The following PRKCB variants were observed in gnomAD, a reference collection of about 807,000 sequenced individuals.
PRKCB encodes the protein protein kinase C beta type.
In PRKCB, 13 loss-of-function variants were observed where a neutral mutation model predicts 81.5. That is an observed-to-expected ratio of 0.16 (90% CI 0.10 to 0.25). PRKCB has a LOEUF of 0.25. Ranked by LOEUF, PRKCB falls within the 10% of genes least tolerant of loss-of-function variation. PRKCB has a pLI of 1.00. For synonymous variants in PRKCB, 335 were observed against 321.4 expected, an observed-to-expected ratio of 1.04 and a Z score of -0.45; for missense variants, 509 against 875.7, an observed-to-expected ratio of 0.58 and a Z score of 5.29.
chr16:23,889,103 C>T (rs963051146), intron 2 of PRKCB, among the ~76,000 whole-genome samples: 8 of 151,976 alleles, frequency 5.3e-5, no homozygotes, highest in African/African-American at 1.9e-4. Flanking sequence ...GTCATCTACA[C>T]AGCTGTTCAC....
chr16:24,043,571 A>G (rs1965727953), intron 5 of PRKCB, among the ~76,000 whole-genome samples: 1 of 152,178 alleles, frequency 6.6e-6, no homozygotes, highest in Non-Finnish European at 1.5e-5. Flanking sequence ...TTCAAAGCCT[A>G]TCAGCTTGTT....
Position 24,219,139 on chromosome 16 carries a change from G to A in PRKCB, c.*4323G>A. ...ATTCTGATGTTCCCTGGTGAGACTT[G>A]CCCCAAGCAATTGCTAGTAAATGGG... On this transcript the variant is annotated 3_prime_UTR_variant, in exon 17 of 17. Transcript: ENST00000643927. The A allele has an allele frequency of 1.0e-6, 1 of 985,368 alleles. No individual in the cohort carries two copies. The highest frequency in any genetic ancestry group is 1.2e-6 in the Non-Finnish European group (1 of 829,964). 61.0% of individuals were successfully genotyped at this position (985,368 alleles called of 1,614,324 possible).
chr16:23,920,233 A>G (rs990952848), intron 2 of PRKCB, among the ~76,000 whole-genome samples: 81 of 152,132 alleles, frequency 5.3e-4, no homozygotes, highest in African/African-American at 1.6e-3. Flanking sequence ...TTTGATTTGC[A>G]TTTTGCTAAT....
At chr16:23,960,903 A>G (rs181415120) in intron 2 of PRKCB, among the ~76,000 whole-genome samples, 11 of 152,268 alleles carry the variant, frequency 7.2e-5, no homozygotes, top group Admixed American at 2.6e-4. Context: ...CAACAGCCCT[A>G]TTTGTCTTTA....
chr16:23,992,420 A>T (rs1964898692), intron 3 of PRKCB, among the ~76,000 whole-genome samples: 1 of 152,194 alleles, frequency 6.6e-6, no homozygotes, highest in Non-Finnish European at 1.5e-5. Flanking sequence ...CCGTGGCATG[A>T]TCTGTTTATA....
chr16:24,060,532 T>A (rs1776194730), intron 5 of PRKCB, among the ~76,000 whole-genome samples: 2 of 152,148 alleles, frequency 1.3e-5, no homozygotes, highest in African/African-American at 4.8e-5. Flanking sequence ...GCCACCAGGA[T>A]CCCTCTCTCA....
At chr16:24,128,529 C>T (rs565040976) in intron 9 of PRKCB, among the ~76,000 whole-genome samples, 14 of 152,142 alleles carry the variant, frequency 9.2e-5, no homozygotes, top group Non-Finnish European at 1.2e-4. Flanking sequence ...CAAAATCTTT[C>T]AAAAGAAGAA....
At chr16:23,881,111 T>C (rs1963098838) in intron 2 of PRKCB, among the ~76,000 whole-genome samples, 1 of 152,148 alleles carries the variant, frequency 6.6e-6, no homozygotes, top group South Asian at 2.1e-4. Context: ...TTAAAGGGAA[T>C]GTTTGCCTCT....
At chr16:23,977,619 G>A (rs547021233) in intron 2 of PRKCB, among the ~76,000 whole-genome samples, 7 of 152,316 alleles carry the variant, frequency 4.6e-5, no homozygotes, top group African/African-American at 7.2e-5. Flanking sequence ...TACAGAGAAC[G>A]TCTCTAGAAG....
intron 12 of PRKCB, among the ~76,000 whole-genome samples, chr16:24,179,109 T>C (rs1040299274): frequency 6.6e-6 from 1 of 152,238 alleles, no homozygotes; most frequent in African/African-American, 2.4e-5. Context: ...CACTTATCCC[T>C]TTCCTGATTA....
intron 12 of PRKCB, among the ~76,000 whole-genome samples, chr16:24,178,415 G>A (rs1333324904): frequency 6.6e-6 from 1 of 152,222 alleles, no homozygotes; most frequent in African/African-American, 2.4e-5. Flanking sequence ...TCCAGCCTCA[G>A]GACTGCCTGG....
intron 2 of PRKCB, among the ~76,000 whole-genome samples, chr16:23,967,668 T>C (rs994516100): frequency 6.6e-6 from 1 of 152,190 alleles, no homozygotes; most frequent in African/African-American, 2.4e-5. Context: ...TTTTTCTTTT[T>C]TTGAGATAGA....
intron 8 of PRKCB, among the ~76,000 whole-genome samples, chr16:24,115,970 C>T (rs1343902112): frequency 6.6e-6 from 1 of 150,872 alleles, no homozygotes; most frequent in Non-Finnish European, 1.5e-5. Context: ...CGTGATCCGT[C>T]TGCCTCGGCC....
At chr16:24,073,056 C>T (rs1359499894) in intron 5 of PRKCB, among the ~76,000 whole-genome samples, 2 of 152,186 alleles carry the variant, frequency 1.3e-5, no homozygotes, top group South Asian at 4.1e-4. Flanking sequence ...CACCAGATGT[C>T]CTCTGCCTCT....
chr16:24,124,709 G>C (rs150679480), intron 9 of PRKCB, among the ~76,000 whole-genome samples: 1 of 152,158 alleles, frequency 6.6e-6, no homozygotes, highest in African/African-American at 2.4e-5. Flanking sequence ...GTCTCTTTGC[G>C]TGCCACAAAG....
At chr16:24,042,903 A>G (rs1328243862) in intron 5 of PRKCB, among the ~76,000 whole-genome samples, 6 of 152,040 alleles carry the variant, frequency 3.9e-5, no homozygotes, top group Non-Finnish European at 7.4e-5. Flanking sequence ...ACACTCAGCT[A>G]ATTTTTGTAG....
intron 2 of PRKCB, among the ~76,000 whole-genome samples, chr16:23,849,658 A>G (rs931671760): frequency 6.6e-6 from 1 of 150,698 alleles, no homozygotes; most frequent in African/African-American, 2.5e-5. Flanking sequence ...TTTTTATTTC[A>G]GTTGGATATT....
intron 9 of PRKCB, among the ~76,000 whole-genome samples, chr16:24,137,296 C>T (rs1314058018): frequency 2.0e-5 from 3 of 152,178 alleles, no homozygotes; most frequent in Non-Finnish European, 2.9e-5. Context: ...TCAAGCGATC[C>T]TCCTGCCTCA....
intron 2 of PRKCB, among the ~76,000 whole-genome samples, chr16:23,871,784 G>A (rs754659702): frequency 9.9e-5 from 15 of 150,910 alleles, no homozygotes; most frequent in Admixed American, 2.6e-4. Flanking sequence ...CATCATGTTG[G>A]TCTGGCTGGT....
Sources: allele counts gnomAD v4.1 joint callset (sites outside exome capture counted in the v4.1 genomes callset), GRCh38; gene constraint gnomAD v4.1.1; transcripts MANE v1.5; gene names NCBI Gene and HGNC (gene_info 2026-07-23, HGNC 2026-07-21).